PRDM1: variants seen among roughly 807,000 people sequenced by gnomAD.
The protein encoded by PRDM1 is PR domain zinc finger protein 1.
PRDM1 carries 13 observed loss-of-function variants against 62.8 expected under a neutral mutation model. That is an observed-to-expected ratio of 0.21 (90% CI 0.13 to 0.33). The LOEUF is 0.33. PRDM1 is among the 10% of genes least tolerant of loss of function. PRDM1 has a pLI of 1.00. For synonymous variants in PRDM1, 396 were observed against 417.6 expected, an observed-to-expected ratio of 0.95 and a Z score of 0.63; for missense variants, 895 against 1,058.8, an observed-to-expected ratio of 0.85 and a Z score of 2.15.
intron 1 of PRDM1, among the ~76,000 whole-genome samples, chr6:106,057,492 A>T (rs1036405860): frequency 1.3e-5 from 2 of 152,228 alleles, no homozygotes; most frequent in Admixed American, 1.3e-4. Flanking sequence ...TGGAATGCAT[A>T]CTGAATGGAG....
rs567958235 is a variant in PRDM1, at chr6:106,089,809, T to C, written c.291+1360T>C. On this transcript the variant is annotated intron_variant, in intron 2 of 6. Coordinates refer to ENST00000369096, the MANE Select transcript of PRDM1 (RefSeq NM_001198.4). ...GGTATATGAGGTTTGACTATGGCTT[T>C]AAAAAGTGTAGTGTGTTTTTTCCCC... Among the ~76,000 whole-genome samples, 8 of 152,312 alleles carry C rather than the reference T, an allele frequency of 5.3e-5. No individual in the cohort carries two copies. In the South Asian group the frequency reaches 1.4e-3, roughly 28 times the overall value.
rs2114618018 is a variant in PRDM1, at chr6:106,088,360, G to C, written c.202G>C (p.Asp68His). 6.2e-7 allele frequency: 1 copy of C among 1,614,150 alleles called. No individual in the cohort carries two copies. The highest frequency in any genetic ancestry group is 8.5e-7 in the Non-Finnish European group (1 of 1,180,032). The change falls in exon 2 of 7, where the codon GAT becomes CAT. Residue 68 changes from aspartate to histidine, a missense_variant. By Grantham distance (81) the Asp-to-His change is moderately conservative. Transcript: ENST00000369096. The stretch of plus-strand genomic sequence containing the variant: ...ATACATTGTGAACGACCACCCCTGG[G>C]ATTCTGGTGCTGATGGCGGTACTTC... ...CTYIVNDHPW[D>H]SGADGGTSVQ... is the part of the protein sequence containing the mutation.
intron 1 of PRDM1, among the ~76,000 whole-genome samples, chr6:106,023,558 T>A (rs1390812537): frequency 6.6e-6 from 1 of 152,192 alleles, no homozygotes; most frequent in Non-Finnish European, 1.5e-5. Flanking sequence ...AATTAGGCAA[T>A]GGAGGTCATT....
At chr6:106,010,216 C>T (rs1434341085) in intron 1 of PRDM1, among the ~76,000 whole-genome samples, 1 of 152,180 alleles carries the variant, frequency 6.6e-6, no homozygotes, top group African/African-American at 2.4e-5. Flanking sequence ...GTCTGACAGG[C>T]ACTCTTCGAC....
intron 3 of PRDM1, chr6:106,098,267 C>T (rs1774165968): frequency 3.0e-6 from 3 of 985,030 alleles, no homozygotes; most frequent in African/African-American, 3.5e-5. Flanking sequence ...AAGGTGGTAC[C>T]TCCTAAAAAG....
chr6:106,044,576 C>T (rs1773046544), upstream of PRDM1, among the ~76,000 whole-genome samples: 1 of 152,172 alleles, frequency 6.6e-6, no homozygotes, highest in African/African-American at 2.4e-5. Context: ...CAGTCTTTTA[C>T]CAGTGCTTCC....
intron 3 of PRDM1, chr6:106,098,822 G>A: frequency 1.3e-6 from 2 of 1,523,902 alleles, no homozygotes; most frequent in South Asian, 1.2e-5. Context: ...GGGGGTGTAG[G>A]AAACGGCGAG....
intron 1 of PRDM1, among the ~76,000 whole-genome samples, chr6:106,069,337 T>C (rs964642690): frequency 4.0e-5 from 6 of 148,820 alleles, no homozygotes; most frequent in Admixed American, 4.0e-4. Flanking sequence ...CACAGAGCTT[T>C]AAAAAAAAAA....
At position 106,022,044 on chromosome 6, in the gene PRDM1, A is replaced by G. The variant is rs529605583; in HGVS notation, c.-67+28405A>G. 1.1e-3 allele frequency among the ~76,000 whole-genome samples: 171 copies of G among 152,394 alleles called. 1 individual carries two copies. The Middle Eastern group carries it at 0.031, about 27-fold the overall frequency. On this transcript the variant is annotated intron_variant, in intron 1 of 6. Transcript: ENST00000652320. ...CTCTGAAATGAGAGTTACAGTATCT[A>G]TCCTCCTACCCAAAAGACTAGTATA...
intron 2 of PRDM1, among the ~76,000 whole-genome samples, chr6:106,093,969 G>GA (rs1048903052): frequency 1.3e-4 from 20 of 151,198 alleles, no homozygotes; most frequent in South Asian, 8.4e-4. Flanking sequence ...AATTGTTTTA[G>GA]AAAAAAAAAT....
upstream of PRDM1, among the ~76,000 whole-genome samples, chr6:106,084,930 T>C (rs1773763474): frequency 6.6e-6 from 1 of 152,152 alleles, no homozygotes; most frequent in African/African-American, 2.4e-5. Flanking sequence ...TGTTCTGTAC[T>C]GAGAGAGAGA....
intron 1 of PRDM1, chr6:106,078,222 G>A (rs1307346580): frequency 5.9e-5 from 9 of 152,274 alleles, no homozygotes; most frequent in South Asian, 2.1e-4. Flanking sequence ...GGTGCATCGC[G>A]CAGGAACAGA....
At chr6:106,093,723 A>G (rs1172559936) in intron 2 of PRDM1, among the ~76,000 whole-genome samples, 1 of 152,198 alleles carries the variant, frequency 6.6e-6, no homozygotes, top group African/African-American at 2.4e-5. Context: ...TGTCCCCAGT[A>G]GTTTTACTGC....
intron 1 of PRDM1, among the ~76,000 whole-genome samples, chr6:105,995,521 A>G (rs1046652335): frequency 2.6e-5 from 4 of 152,162 alleles, no homozygotes; most frequent in Non-Finnish European, 4.4e-5. Context: ...TCAGAAGAGA[A>G]TTGGTTAAGT....
chr6:106,006,973 C>T (rs1171650177), intron 1 of PRDM1, among the ~76,000 whole-genome samples: 1 of 151,996 alleles, frequency 6.6e-6, no homozygotes, highest in Non-Finnish European at 1.5e-5. Flanking sequence ...ACACTGCACT[C>T]AAAGTCATGC....
chr6:106,055,727 G>A (rs1582442006), intron 1 of PRDM1, among the ~76,000 whole-genome samples: 1 of 152,140 alleles, frequency 6.6e-6, no homozygotes, highest in Non-Finnish European at 1.5e-5. Flanking sequence ...TATTGCTGCC[G>A]TTGAAAAAAG....
At chr6:106,098,140 C>T (rs939860329) in intron 3 of PRDM1, 9 of 949,484 alleles carry the variant, frequency 9.5e-6, no homozygotes, top group African/African-American at 5.3e-5. Context: ...ACCTGCTGTC[C>T]GGTGAGCACA....
intron 1 of PRDM1, among the ~76,000 whole-genome samples, chr6:106,086,998 A>G (rs1773827832): frequency 6.6e-6 from 1 of 151,304 alleles, no homozygotes; most frequent in South Asian, 2.1e-4. Context: ...TTTTTTTTTT[A>G]AGAGCATCCT....
At chr6:106,044,614 G>T (rs542548511), upstream of PRDM1, among the ~76,000 whole-genome samples, 27 of 152,288 alleles carry the variant, frequency 1.8e-4, no homozygotes, top group African/African-American at 6.5e-4. Context: ...CTGATCCAAA[G>T]TGGATCAAAG....
Sources: allele counts gnomAD v4.1 joint callset (sites outside exome capture counted in the v4.1 genomes callset), GRCh38; gene constraint gnomAD v4.1.1; transcripts MANE v1.5; gene names NCBI Gene and HGNC (gene_info 2026-07-23, HGNC 2026-07-21).